The following C11orf65 variants were observed in gnomAD, a reference collection of about 807,000 sequenced individuals.
C11orf65 encodes chromosome 11 open reading frame 65, also known as protein MFI.
Under a neutral mutation model 35.3 loss-of-function variants are expected in C11orf65, and 38 were observed. The observed-to-expected ratio is 1.08, with a 90% CI of 0.83 to 1.41. C11orf65 has a LOEUF of 1.41. Among genes scored for constraint, C11orf65 ranks in the 40% most tolerant of loss-of-function variants. The probability of loss-of-function intolerance (pLI) is 0.00; values close to 1 mark genes in which losing one functional copy is unlikely to be tolerated. For synonymous variants in C11orf65, 105 were observed against 114.4 expected, an observed-to-expected ratio of 0.92 and a Z score of 0.53; for missense variants, 370 against 367.1, an observed-to-expected ratio of 1.01 and a Z score of -0.06.
intron 6 of C11orf65, among the ~76,000 whole-genome samples, chr11:108,401,846 G>C (rs546454771): frequency 6.6e-6 from 1 of 152,280 alleles, no homozygotes; most frequent in South Asian, 2.1e-4. Context: ...ACTTTGGTTG[G>C]CTCTACCTAA....
At chr11:108,424,621 A>G (rs1233094268) in intron 3 of C11orf65, among the ~76,000 whole-genome samples, 2 of 152,314 alleles carry the variant, frequency 1.3e-5, no homozygotes, top group Non-Finnish European at 1.5e-5. Flanking sequence ...AAAATTAACA[A>G]GGATATTCAG....
downstream of C11orf65, chr11:108,327,899 G>A (rs888793136): frequency 5.3e-6 from 4 of 750,718 alleles, no homozygotes; most frequent in South Asian, 1.6e-5. Context: ...GCTCTGTATA[G>A]TCTCTAGGGT....
At chr11:108,322,233 C>G (rs2085287124) in intron 6 of C11orf65, among the ~76,000 whole-genome samples, 1 of 152,134 alleles carries the variant, frequency 6.6e-6, no homozygotes, top group Non-Finnish European at 1.5e-5. Flanking sequence ...CAGCTCACTG[C>G]AGTCTCCACC....
At chr11:108,355,090 T>TA (rs2137368039) in intron 2 of C11orf65, 1 of 567,208 alleles carries the variant, frequency 1.8e-6, no homozygotes, top group East Asian at 2.9e-5. Flanking sequence ...CTTGGAATGT[T>TA]AGAGCATTGT....
intron 7 of C11orf65, among the ~76,000 whole-genome samples, chr11:108,387,520 A>G (rs1395892745): frequency 6.6e-6 from 1 of 152,080 alleles, no homozygotes; most frequent in East Asian, 1.9e-4. Flanking sequence ...ATATACTTCC[A>G]ACAGTATTTA....
intron 7 of C11orf65, among the ~76,000 whole-genome samples, chr11:108,390,058 C>T (rs1432631803): frequency 6.6e-6 from 1 of 151,370 alleles, no homozygotes; most frequent in Non-Finnish European, 1.5e-5. Context: ...GAGTCTCGCT[C>T]TGTTGCCCAG....
downstream of C11orf65, chr11:108,382,645 T>G (rs1275744059): frequency 5.3e-6 from 2 of 380,942 alleles, no homozygotes; most frequent in Admixed American, 1.3e-4. Flanking sequence ...AGAGGGGATT[T>G]AAAGAAGCAA....
intron 2 of C11orf65, among the ~76,000 whole-genome samples, chr11:108,349,152 AG>A (rs1235229597): frequency 3.3e-5 from 5 of 152,256 alleles, no homozygotes; most frequent in Admixed American, 6.5e-5. Flanking sequence ...AAAGGAAGTC[AG>A]GATCTTGGAA....
At chr11:108,454,103 T>C (rs896524241) in intron 2 of C11orf65, among the ~76,000 whole-genome samples, 2 of 152,202 alleles carry the variant, frequency 1.3e-5, no homozygotes, top group Admixed American at 6.5e-5. Context: ...TTACTCATTA[T>C]TGGTCTATTC....
chr11:108,408,895 T>G (rs1314578164), intron 3 of C11orf65, among the ~76,000 whole-genome samples: 1 of 151,948 alleles, frequency 6.6e-6, no homozygotes, highest in Non-Finnish European at 1.5e-5. Context: ...ATTCAACCTA[T>G]AGAGTCTTAA....
chr11:108,395,681 C>T (rs1157697895), intron 6 of C11orf65, among the ~76,000 whole-genome samples: 4 of 123,748 alleles, frequency 3.2e-5, no homozygotes, highest in Middle Eastern at 6.4e-3. Context: ...AGTGCAGTGG[C>T]GCCATCTCGG....
intron 6 of C11orf65, among the ~76,000 whole-genome samples, chr11:108,396,592 G>A (rs1190899992): frequency 6.6e-6 from 1 of 151,772 alleles, no homozygotes; most frequent in Non-Finnish European, 1.5e-5. Context: ...AACACTTTGG[G>A]AGGCCAAGGC....
At position 108,382,828 on chromosome 11, in the gene C11orf65, A is replaced by G. The variant is rs1206108833; in HGVS notation, c.*193T>C. 2 of 984,336 alleles carry G rather than the reference A, an allele frequency of 2.0e-6. No homozygotes were observed. The highest frequency in any genetic ancestry group is 2.4e-6 in the Non-Finnish European group (2 of 828,978). The allele number at this position is 984,336 out of a possible 1,614,324, so 61.0% of individuals were successfully genotyped here. ...ACAGTTTCTCAGAATACTAGGAATA[A>G]TTTCTATATTTGCCATGATCATTGT... On this transcript the variant is annotated 3_prime_UTR_variant, in exon 9 of 9. Coordinates refer to ENST00000393084, the MANE Select transcript of C11orf65 (RefSeq NM_152587.5).
intron 2 of C11orf65, among the ~76,000 whole-genome samples, chr11:108,435,377 T>C (rs1212754775): frequency 6.6e-6 from 1 of 152,172 alleles, no homozygotes; most frequent in Non-Finnish European, 1.5e-5. Flanking sequence ...TCCTGATTCT[T>C]AGGAGAAAAT....
chr11:108,351,949 A>G (rs1159437544), intron 2 of C11orf65, among the ~76,000 whole-genome samples: 3 of 152,160 alleles, frequency 2.0e-5, no homozygotes, highest in Non-Finnish European at 4.4e-5. Flanking sequence ...CTACTCAGCT[A>G]TAGCAAGCCC....
At chr11:108,412,248 C>T (rs997706033) in intron 3 of C11orf65, among the ~76,000 whole-genome samples, 3 of 151,162 alleles carry the variant, frequency 2.0e-5, no homozygotes, top group Middle Eastern at 3.2e-3. Context: ...AAAACATACA[C>T]ATGAAATCGT....
At chr11:108,347,159 C>T in intron 2 of C11orf65, 2 of 813,136 alleles carry the variant, frequency 2.5e-6, no homozygotes, top group Non-Finnish European at 4.2e-6. Context: ...TTTAAGTAGG[C>T]TAAAAATCCT....
chr11:108,442,387 T>C (rs1289973458), intron 2 of C11orf65, among the ~76,000 whole-genome samples: 1 of 152,168 alleles, frequency 6.6e-6, no homozygotes, highest in South Asian at 2.1e-4. Context: ...TGGAATCAAG[T>C]TGGAAAACAC....
chr11:108,348,163 A>G (rs1784308), intron 2 of C11orf65, among the ~76,000 whole-genome samples: 15 of 151,662 alleles, frequency 9.9e-5, no homozygotes, highest in African/African-American at 2.4e-4. Context: ...GTATTAATGG[A>G]ATTTCTAGGT....
Sources: gnomAD v4.1 joint callset for allele counts (sites outside exome capture counted in the v4.1 genomes callset) on GRCh38, gnomAD v4.1.1 for gene constraint, MANE v1.5 for transcripts, NCBI Gene and HGNC (gene_info 2026-07-23, HGNC 2026-07-21) for gene names.